CNTNAP2: variants seen among roughly 807,000 people sequenced by gnomAD.
The protein encoded by CNTNAP2 is contactin associated protein 2.
Under a neutral mutation model 155.2 loss-of-function variants are expected in CNTNAP2, and 98 were observed. The observed-to-expected ratio is 0.63, with a 90% CI of 0.54 to 0.75. The LOEUF (loss-of-function observed/expected upper bound fraction) is 0.75. CNTNAP2 is among the 30% of genes least tolerant of loss of function. CNTNAP2 has a pLI of 0.00. For missense variants in CNTNAP2, 1,727 were observed against 1,688.1 expected, an observed-to-expected ratio of 1.02 and a Z score of -0.40; for synonymous variants, 651 against 631.2, an observed-to-expected ratio of 1.03 and a Z score of -0.47.
intron 4 of CNTNAP2, among the ~76,000 whole-genome samples, chr7:147,086,768 C>G (rs1326487137): frequency 6.6e-6 from 1 of 152,192 alleles, no homozygotes; most frequent in African/African-American, 2.4e-5. Context: ...GACCCCCTTC[C>G]TCATGTAACA....
chr7:146,641,317 C>T (rs1017329235), intron 1 of CNTNAP2, among the ~76,000 whole-genome samples: 4 of 152,134 alleles, frequency 2.6e-5, no homozygotes, highest in African/African-American at 9.7e-5. Flanking sequence ...CAGAGCGAGA[C>T]TCCGTCTCAA....
intron 1 of CNTNAP2, among the ~76,000 whole-genome samples, chr7:146,267,251 A>G (rs1042759984): frequency 2.0e-5 from 3 of 152,154 alleles, no homozygotes; most frequent in Non-Finnish European, 2.9e-5. Context: ...AGATATATTC[A>G]TATAGCAATT....
At chr7:146,892,362 G>A (rs1486125721) in intron 3 of CNTNAP2, among the ~76,000 whole-genome samples, 1 of 152,140 alleles carries the variant, frequency 6.6e-6, no homozygotes, top group East Asian at 1.9e-4. Context: ...CTGGTAACCT[G>A]TCACATTCCA....
intron 8 of CNTNAP2, among the ~76,000 whole-genome samples, chr7:147,270,988 C>G (rs2116704540): frequency 6.6e-6 from 1 of 152,246 alleles, no homozygotes; most frequent in South Asian, 2.1e-4. Context: ...ACTAGAGCCG[C>G]TTTTTATACC....
chr7:147,332,068 G>C (rs1366962085), intron 9 of CNTNAP2, among the ~76,000 whole-genome samples: 1 of 152,118 alleles, frequency 6.6e-6, no homozygotes, highest in Non-Finnish European at 1.5e-5. Context: ...AATAAGAAAT[G>C]AGAACATTGT....
intron 1 of CNTNAP2, among the ~76,000 whole-genome samples, chr7:146,402,771 T>A (rs1795732050): frequency 6.6e-6 from 1 of 152,094 alleles, no homozygotes; most frequent in Non-Finnish European, 1.5e-5. Flanking sequence ...CATCAAAAAG[T>A]TTTACTTAAA....
chr7:147,784,552 A>AGTTTTTTT (rs1797709745), intron 13 of CNTNAP2, among the ~76,000 whole-genome samples: 1 of 56,734 alleles, frequency 1.8e-5, no homozygotes, highest in African/African-American at 4.4e-5. Context: ...TATATATATG[A>AGTTTTTTT]GTTTTTTTGA....
At chr7:147,619,277 AATG>A (rs2116889803) in intron 12 of CNTNAP2, among the ~76,000 whole-genome samples, 1 of 152,356 alleles carries the variant, frequency 6.6e-6, no homozygotes, top group South Asian at 2.1e-4. Context: ...TATATGCATA[AATG>A]ATAACACATA....
At chr7:148,280,906 G>A (rs1370173544) in intron 21 of CNTNAP2, among the ~76,000 whole-genome samples, 1 of 145,724 alleles carries the variant, frequency 6.9e-6, no homozygotes, top group East Asian at 2.1e-4. Context: ...GCAACAGAGG[G>A]AGACTCCATC....
chr7:148,381,380 G>A (rs538513474), intron 21 of CNTNAP2: 4 of 152,340 alleles, frequency 2.6e-5, no homozygotes, highest in African/African-American at 9.6e-5. Flanking sequence ...GACAAATGTA[G>A]GGGATTTTTA....
chr7:147,708,700 C>G (rs551129827), intron 13 of CNTNAP2, among the ~76,000 whole-genome samples: 2 of 152,154 alleles, frequency 1.3e-5, no homozygotes, highest in East Asian at 1.9e-4. Context: ...GGGGAGCCAG[C>G]CTCTCCAGGT....
chr7:147,429,952 G>T (rs1253215940), intron 10 of CNTNAP2, among the ~76,000 whole-genome samples: 1 of 151,982 alleles, frequency 6.6e-6, no homozygotes, highest in Non-Finnish European at 1.5e-5. Flanking sequence ...TTGCTGTTTT[G>T]GTAACTATAG....
At chr7:146,898,925 A>G (rs961435171) in intron 3 of CNTNAP2, among the ~76,000 whole-genome samples, 5 of 152,208 alleles carry the variant, frequency 3.3e-5, no homozygotes, top group Middle Eastern at 3.4e-3. Context: ...TCCCATTGCA[A>G]ACGCCACTGA....
At chr7:146,426,560 C>A in intron 1 of CNTNAP2, among the ~76,000 whole-genome samples, 1 of 147,480 alleles carries the variant, frequency 6.8e-6, no homozygotes, top group African/African-American at 2.5e-5. Flanking sequence ...TATTTAAGAG[C>A]ATTAATCAGT....
chr7:147,476,303 C>T (rs947589617), intron 10 of CNTNAP2, among the ~76,000 whole-genome samples: 2 of 151,928 alleles, frequency 1.3e-5, no homozygotes, highest in African/African-American at 4.8e-5. Flanking sequence ...GATGGGGTTT[C>T]ACCGTGTTAA....
intron 13 of CNTNAP2, among the ~76,000 whole-genome samples, chr7:147,749,972 A>T (rs2116501146): frequency 6.6e-6 from 1 of 152,362 alleles, no homozygotes; most frequent in Non-Finnish European, 1.5e-5. Flanking sequence ...TCTTTATAGT[A>T]TCAGAAATCT....
chr7:147,535,302 G>C (rs892379571), intron 11 of CNTNAP2, among the ~76,000 whole-genome samples: 1 of 152,158 alleles, frequency 6.6e-6, no homozygotes, highest in Admixed American at 6.5e-5. Context: ...TGAGGCAGGA[G>C]AATTGCTTGA....
intron 1 of CNTNAP2, among the ~76,000 whole-genome samples, chr7:146,176,524 A>T (rs7778234): frequency 6.6e-6 from 1 of 152,180 alleles, no homozygotes; most frequent in African/African-American, 2.4e-5. Flanking sequence ...AATTCAGTTT[A>T]TCATAAACAG....
chr7:146,625,005 C>T (rs746827731), intron 1 of CNTNAP2, among the ~76,000 whole-genome samples: 1 of 151,924 alleles, frequency 6.6e-6, no homozygotes, highest in Non-Finnish European at 1.5e-5. Flanking sequence ...CAACAAACAG[C>T]ATAGATTAAG....
Sources: gnomAD v4.1 joint callset for allele counts (sites outside exome capture counted in the v4.1 genomes callset) on GRCh38, gnomAD v4.1.1 for gene constraint, MANE v1.5 for transcripts, NCBI Gene and HGNC (gene_info 2026-07-23, HGNC 2026-07-21) for gene names.